The following SAXO1 variants were observed in gnomAD, a reference collection of about 807,000 sequenced individuals.
SAXO1 encodes the protein stabilizer of axonemal microtubules 1.
Under a neutral mutation model 17.5 loss-of-function variants are expected in SAXO1, and 21 were observed. The ratio of observed to expected loss-of-function variants is 1.20; its 90% CI spans 0.85 to 1.72. The LOEUF (loss-of-function observed/expected upper bound fraction) is 1.72, where lower values mean the gene tolerates loss of function less well. SAXO1 is among the 40% of genes most tolerant of loss of function. SAXO1 has a pLI of 0.00. For synonymous variants in SAXO1, 274 were observed against 216.5 expected (o/e 1.27, Z -2.33); for missense variants, 843 against 596.0 (o/e 1.41, Z -4.32).
chr9:18,983,519 T>C (rs1205984335), intron 1 of SAXO1, among the ~76,000 whole-genome samples: 1 of 152,224 alleles, frequency 6.6e-6, no homozygotes, highest in Non-Finnish European at 1.5e-5. Flanking sequence ...ATTTCAACAA[T>C]GTTCACTGCA....
chr9:18,996,517 G>A (rs940462577), intron 1 of SAXO1, among the ~76,000 whole-genome samples: 7 of 152,206 alleles, frequency 4.6e-5, no homozygotes, highest in African/African-American at 1.7e-4. Flanking sequence ...TGAAAATACA[G>A]TATTAAATCT....
At position 18,928,489 on chromosome 9, in the gene SAXO1, T is replaced by G. The variant is rs148767209; in HGVS notation, c.988A>C (p.Lys330Gln). ...GAAGAGCCTTCAAAGCGACCGCACT[T>G]CTTAATCTGAAGTGCAGGTCGGCAG... is the stretch of plus-strand genomic sequence containing the variant. Reference protein sequence around the residue: ...QSCRPALQIKKCGRFEGSSTT... With the variant: ...QSCRPALQIKQCGRFEGSSTT... Residue 330 changes from lysine (K) to glutamine (Q), a missense_variant, in exon 4 of 4, where the codon AAG becomes CAG. Lys to Gln is a moderately conservative substitution (Grantham distance 53, BLOSUM62 1). Coordinates refer to ENST00000380534, the MANE Select transcript of SAXO1 (RefSeq NM_153707.4). 1.0e-4 allele frequency: 165 copies of G among 1,613,628 alleles called. No homozygotes were observed. The African/African-American group carries it at 2.0e-3, about 19-fold the overall frequency.
intron 1 of SAXO1, among the ~76,000 whole-genome samples, chr9:19,026,006 A>G (rs908458199): frequency 2.0e-5 from 3 of 152,218 alleles, no homozygotes; most frequent in Admixed American, 2.0e-4. Context: ...GGATACAAAA[A>G]TAAGTTGGAT....
At chr9:18,988,370 C>G (rs1833676184) in intron 1 of SAXO1, among the ~76,000 whole-genome samples, 1 of 152,196 alleles carries the variant, frequency 6.6e-6, no homozygotes, top group African/African-American at 2.4e-5. Context: ...TCAAATTTCC[C>G]TAGGTATCCA....
At chr9:19,037,258 G>C (rs1052246566), upstream of SAXO1, among the ~76,000 whole-genome samples, 1 of 152,142 alleles carries the variant, frequency 6.6e-6, no homozygotes, top group Non-Finnish European at 1.5e-5. Context: ...TGGACTTTCG[G>C]GTTAATGCCG....
intron 1 of SAXO1, among the ~76,000 whole-genome samples, chr9:18,974,928 T>TA (rs1255283103): frequency 2.0e-5 from 3 of 152,168 alleles, no homozygotes; most frequent in Non-Finnish European, 4.4e-5. Context: ...ATCTCCATCA[T>TA]AATCAAATAC....
At chr9:19,004,644 C>G (rs927457294) in intron 1 of SAXO1, among the ~76,000 whole-genome samples, 4 of 152,172 alleles carry the variant, frequency 2.6e-5, no homozygotes, top group African/African-American at 7.2e-5. Flanking sequence ...CAACTTCTCA[C>G]TCACAAGTGG....
At chr9:19,000,523 ACAGCTGCCCCCCTCTAGGAAATG>A (rs1834219934) in intron 1 of SAXO1, among the ~76,000 whole-genome samples, 1 of 150,180 alleles carries the variant, frequency 6.7e-6, no homozygotes, top group Admixed American at 6.6e-5. Flanking sequence ...GTGCCTCTGC[ACAGCTGCCCCCCTCTAGGAAATG>A]AGGAGCACCT....
chr9:18,930,545 G>A (rs898365847), intron 3 of SAXO1, among the ~76,000 whole-genome samples: 1 of 151,820 alleles, frequency 6.6e-6, no homozygotes, highest in African/African-American at 2.4e-5. Context: ...TGTTGCCCAG[G>A]CTGGAGTGCA....
intron 1 of SAXO1, among the ~76,000 whole-genome samples, chr9:19,024,219 G>T (rs1294713170): frequency 6.6e-6 from 1 of 151,788 alleles, no homozygotes; most frequent in African/African-American, 2.4e-5. Flanking sequence ...TGTCTTCCGT[G>T]TCTCTCTGAC....
chr9:19,027,286 G>A (rs1032223323), intron 1 of SAXO1: 2 of 896,416 alleles, frequency 2.2e-6, no homozygotes, highest in African/African-American at 1.6e-5. Context: ...CTAAAGCCAG[G>A]AGACCTGGTG....
chr9:18,945,067 C>A (rs529190529), intron 2 of SAXO1, among the ~76,000 whole-genome samples: 34 of 152,272 alleles, frequency 2.2e-4, no homozygotes, highest in African/African-American at 6.7e-4. Flanking sequence ...CCTCCTTTCT[C>A]CATTGAGTGT....
intron 1 of SAXO1, among the ~76,000 whole-genome samples, chr9:18,999,631 A>G (rs4434706): frequency 0.86 from 98,059 of 114,604 alleles, 41,519 homozygotes; most frequent in African/African-American, 0.9. Context: ...TGGGAAGTGA[A>G]GAGCCCCTCT....
intron 1 of SAXO1, among the ~76,000 whole-genome samples, chr9:18,960,903 TGAGAGTGAGAGAA>T (rs1832456882): frequency 6.6e-6 from 1 of 152,130 alleles, no homozygotes; most frequent in African/African-American, 2.4e-5. Context: ...GGGTTCCCAT[TGAGAGTGAGAGAA>T]GAGAGTGAGG....
chr9:18,992,815 C>G (rs1319507035), intron 1 of SAXO1, among the ~76,000 whole-genome samples: 1 of 151,816 alleles, frequency 6.6e-6, no homozygotes, highest in South Asian at 2.1e-4. Context: ...GTTGCCCAGG[C>G]TGGAGTGCAA....
intron 1 of SAXO1, among the ~76,000 whole-genome samples, chr9:19,043,643 T>C (rs999905000): frequency 6.6e-6 from 1 of 151,998 alleles, no homozygotes; most frequent in African/African-American, 2.4e-5. Flanking sequence ...AGTGCGTAAC[T>C]GTAGTCCCAG....
rs1835580432 is a variant in SAXO1 at position 19,028,033 on chromosome 9, G to A, written c.38+4838C>T. 3.1e-6 allele frequency: 5 copies of A among 1,609,418 alleles called. No homozygotes were observed. The Admixed American group carries it at 8.4e-5, about 27-fold the overall frequency. On this transcript the variant is annotated intron_variant, in intron 1 of 3. Transcript: ENST00000380534. ...TGTGTCTGTGGAGGCGGGTATGATC[G>A]CACTGCGCAGGGGTGCCACGGAGCT...
chr9:19,004,829 C>T (rs923232409), intron 1 of SAXO1, among the ~76,000 whole-genome samples: 3 of 151,980 alleles, frequency 2.0e-5, no homozygotes, highest in Non-Finnish European at 4.4e-5. Flanking sequence ...AGCAAACCTG[C>T]ACATTGTGCA....
chr9:18,950,863 G>A lies in SAXO1; in HGVS notation c.113C>T (p.Thr38Ile), dbSNP rs1832008134. 1 of 1,613,760 alleles carries A rather than the reference G, an allele frequency of 6.2e-7. No homozygotes were observed. Among genetic ancestry groups the A allele is most frequent in the African/African-American group, 1.3e-5 (1 of 75,002 alleles). The change falls in exon 2 of 4, where the codon ACC (threonine) becomes ATC (isoleucine). Residue 38 changes from threonine to isoleucine, a missense_variant. Physicochemically the swap from Thr to Ile is moderately conservative, Grantham distance 89 (BLOSUM62 -1). Coordinates refer to ENST00000380534, the MANE Select transcript of SAXO1 (RefSeq NM_153707.4). ...GGAGTGATAGAAAGGGTAGTTCTCG[G>A]TATATTCGGAGAGAAGACATGGTTT... ...TEKPCLLSEY[T>I]ENYPFYHSYL... is the part of the protein sequence containing the mutation.
Sources: allele counts gnomAD v4.1 joint callset (sites outside exome capture counted in the v4.1 genomes callset), GRCh38; gene constraint gnomAD v4.1.1; transcripts MANE v1.5; gene names NCBI Gene and HGNC (gene_info 2026-07-23, HGNC 2026-07-21).